PTPRT: variants seen among roughly 807,000 people sequenced by gnomAD.
PTPRT encodes the protein receptor-type tyrosine-protein phosphatase T.
In PTPRT, 56 loss-of-function variants were observed where a neutral mutation model predicts 176.8. That is an observed-to-expected ratio of 0.32 (90% CI 0.26 to 0.40). PTPRT has a LOEUF of 0.40. Ranked by LOEUF, PTPRT falls within the 10% of genes least tolerant of loss-of-function variation. PTPRT has a pLI of 1.00. For synonymous variants in PTPRT, 783 were observed against 739.0 expected (o/e 1.06, Z -0.96); for missense variants, 1,540 against 1,908.2 (o/e 0.81, Z 3.60).
chr20:42,396,763 T>C (rs3092051), intron 9 of PTPRT, among the ~76,000 whole-genome samples: 95,472 of 152,022 alleles, frequency 0.63, 30,557 homozygotes, highest in African/African-American at 0.75. Context: ...GGTTTCACCA[T>C]GTTGGCCAGG....
chr20:43,021,795 T>G (rs2146177932), intron 1 of PTPRT, among the ~76,000 whole-genome samples: 1 of 127,438 alleles, frequency 7.8e-6, no homozygotes, highest in Middle Eastern at 4.3e-3. Flanking sequence ...TTTTCTCACA[T>G]AATGGGAGAT....
At chr20:42,676,472 C>G (rs531200294) in intron 7 of PTPRT, among the ~76,000 whole-genome samples, 1 of 152,052 alleles carries the variant, frequency 6.6e-6, no homozygotes, top group African/African-American at 2.4e-5. Context: ...TTTTCTGAAA[C>G]CCATGCTGCC....
At chr20:42,783,446 G>A (rs1189906389) in intron 3 of PTPRT, among the ~76,000 whole-genome samples, 1 of 151,806 alleles carries the variant, frequency 6.6e-6, no homozygotes, top group Non-Finnish European at 1.5e-5. Context: ...ACAAAAAGAG[G>A]AAGTAAAAAT....
chr20:42,822,922 G>A (rs2077922523), intron 2 of PTPRT, among the ~76,000 whole-genome samples: 2 of 152,114 alleles, frequency 1.3e-5, no homozygotes, highest in South Asian at 4.2e-4. Flanking sequence ...GTGGAGAAAT[G>A]TAAATGATTT....
chr20:43,038,768 G>A (rs1369057776), intron 1 of PTPRT, among the ~76,000 whole-genome samples: 1 of 152,140 alleles, frequency 6.6e-6, no homozygotes, highest in Non-Finnish European at 1.5e-5. Flanking sequence ...TATAAAATAT[G>A]TGCCTAAAAC....
chr20:42,807,662 G>T (rs1210365893), intron 2 of PTPRT, among the ~76,000 whole-genome samples: 1 of 152,076 alleles, frequency 6.6e-6, no homozygotes, highest in Non-Finnish European at 1.5e-5. Context: ...ATAGACAACA[G>T]GTGTGGGCGA....
At chr20:43,126,459 A>G (rs1246494192) in intron 1 of PTPRT, among the ~76,000 whole-genome samples, 1 of 152,238 alleles carries the variant, frequency 6.6e-6, no homozygotes, top group Non-Finnish European at 1.5e-5. Flanking sequence ...TACTTGTAAA[A>G]TGCACTTGCC....
rs1303277916 is a variant in PTPRT, at chr20:42,128,819, G to A, written c.2782C>T (p.Arg928Trp). The A allele has an allele frequency of 1.9e-6, 3 of 1,606,226 alleles. No homozygotes were observed. Among genetic ancestry groups the A allele is most frequent in the Non-Finnish European group, 2.6e-6 (3 of 1,175,684 alleles). The change falls in exon 19 of 31, where the codon CGG (arginine) becomes TGG (tryptophan). Residue 928 changes from arginine (R) to tryptophan (W), a missense_variant. Physicochemically the swap from Arg to Trp is moderately radical, Grantham distance 101 (BLOSUM62 -3). This residue lies in a region of PTPRT where 248 missense variants were observed against 356.7 expected (regional missense o/e 0.70). Coordinates refer to ENST00000373187, the MANE Select transcript of PTPRT (RefSeq NM_007050.6). ...YGNIISYDHS[R>W]VRLLVLDGDP... ...CCATCCAGCACCAGCAGCCTCACCC[G>A]GGAATGGTCGTCTGCAGAGAGAGCA... is the stretch of plus-strand genomic sequence containing the variant.
chr20:42,509,570 T>C (rs1398537988), intron 7 of PTPRT, among the ~76,000 whole-genome samples: 2 of 149,626 alleles, frequency 1.3e-5, no homozygotes, highest in African/African-American at 4.9e-5. Context: ...ATTCAAACTG[T>C]TTGTGTTGTA....
intron 26 of PTPRT, among the ~76,000 whole-genome samples, chr20:42,099,659 T>C (rs2146221355): frequency 6.6e-6 from 1 of 151,574 alleles, no homozygotes; most frequent in Admixed American, 6.6e-5. Context: ...ACTTCATCAG[T>C]GGCTCATGTG....
At chr20:42,051,579 T>C in the PTPRT span, among the ~76,000 whole-genome samples, 1 of 152,126 alleles carries the variant, frequency 6.6e-6, no homozygotes, top group South Asian at 2.1e-4. Context: ...AACGACAGGC[T>C]GAGACCAGCA....
intron 7 of PTPRT, among the ~76,000 whole-genome samples, chr20:42,528,991 T>G (rs80273744): frequency 0.01 from 1,578 of 152,368 alleles, 13 homozygotes; most frequent in Non-Finnish European, 0.017. Flanking sequence ...ACTATCAGTT[T>G]GTCACAAGTA....
intron 6 of PTPRT, among the ~76,000 whole-genome samples, chr20:42,718,228 T>C (rs1434777677): frequency 6.6e-6 from 1 of 152,206 alleles, no homozygotes; most frequent in Non-Finnish European, 1.5e-5. Context: ...ATTCATTCCA[T>C]GACATACTAT....
At chr20:42,240,674 C>T (rs1196141221) in intron 14 of PTPRT, among the ~76,000 whole-genome samples, 2 of 151,894 alleles carry the variant, frequency 1.3e-5, no homozygotes, top group Non-Finnish European at 2.9e-5. Flanking sequence ...ATCCATGAAC[C>T]TATCCATGCA....
At chr20:42,437,558 TGTATGTATGTAC>T (rs1022431723) in intron 9 of PTPRT, among the ~76,000 whole-genome samples, 1 of 152,222 alleles carries the variant, frequency 6.6e-6, no homozygotes, top group Non-Finnish European at 1.5e-5. Flanking sequence ...ATGGTATGTA[TGTATGTATGTAC>T]GTATGTATGT....
chr20:43,144,108 C>T (rs2014097593), intron 1 of PTPRT, among the ~76,000 whole-genome samples: 1 of 152,152 alleles, frequency 6.6e-6, no homozygotes, highest in South Asian at 2.1e-4. Context: ...GCACAGATAT[C>T]CATCCACTTC....
chr20:42,881,836 C>T (rs900104922), intron 2 of PTPRT, among the ~76,000 whole-genome samples: 24 of 149,652 alleles, frequency 1.6e-4, no homozygotes, highest in African/African-American at 5.4e-4. Context: ...GAACAAGGAA[C>T]AATATGTGCA....
At chr20:42,035,501 C>A in the PTPRT span, among the ~76,000 whole-genome samples, 3 of 152,136 alleles carry the variant, frequency 2.0e-5, no homozygotes, top group South Asian at 6.2e-4. Context: ...CTCACAGAGA[C>A]CCTCAGCCTA....
At chr20:42,278,296 G>A (rs2057081610) in intron 13 of PTPRT, among the ~76,000 whole-genome samples, 1 of 130,014 alleles carries the variant, frequency 7.7e-6, no homozygotes, top group Non-Finnish European at 1.5e-5. Context: ...TATCTATTAA[G>A]GAGACATATA....
Sources: allele counts gnomAD v4.1 joint callset (sites outside exome capture counted in the v4.1 genomes callset), GRCh38; gene constraint gnomAD v4.1.1; regional missense constraint gnomAD v4.1.1; transcripts MANE v1.5; gene names NCBI Gene and HGNC (gene_info 2026-07-23, HGNC 2026-07-21).